Variants in TNS3 observed in about 807,000 individuals in gnomAD.
TNS3 encodes the protein tensin 3, also known as tensin-3.
Under a neutral mutation model 140.9 loss-of-function variants are expected in TNS3, and 45 were observed. That is an observed-to-expected ratio of 0.32 (90% CI 0.25 to 0.41). TNS3 has a LOEUF of 0.41. Ranked by LOEUF, TNS3 falls within the 10% of genes least tolerant of loss-of-function variation. The pLI is 1.00. For synonymous variants in TNS3, 815 were observed against 788.4 expected (o/e 1.03, Z -0.56); for missense variants, 1,716 against 1,906.7 (o/e 0.90, Z 1.86).
At chr7:47,335,763 TCTGGTC>T (rs1788597546) in intron 20 of TNS3, among the ~76,000 whole-genome samples, 1 of 152,212 alleles carries the variant, frequency 6.6e-6, no homozygotes, top group Admixed American at 6.5e-5. Flanking sequence ...AGCTACATGT[TCTGGTC>T]CAATCTTCTC....
chr7:47,365,759 C>CA (rs1199600298), intron 17 of TNS3, among the ~76,000 whole-genome samples: 2 of 151,182 alleles, frequency 1.3e-5, no homozygotes, highest in Non-Finnish European at 2.9e-5. Flanking sequence ...GACTCTGTCT[C>CA]AAAAAAATAA....
In TNS3 at chr7:47,303,587, G is replaced by A; in HGVS notation, c.2823-3C>T. On this transcript the variant is annotated splice_polypyrimidine_tract_variant and splice_region_variant and intron_variant, in intron 21 of 30. Transcript: ENST00000311160. ...ACTGGCGTTCTGCAGAAGAGGAGCT[G>A]TTCAAAAGACAAGCCGACCAAGACA... The A allele has an allele frequency of 2.5e-6, 4 of 1,583,888 alleles. No individual in the cohort carries two copies. The highest frequency in any genetic ancestry group is 1.1e-5 in the South Asian group (1 of 88,392).
chr7:47,531,135 T>A (rs1298293403), intron 1 of TNS3, among the ~76,000 whole-genome samples: 1 of 151,682 alleles, frequency 6.6e-6, no homozygotes, highest in East Asian at 1.9e-4. Context: ...GGGTGAAGAT[T>A]GAAAAACTAC....
At chr7:47,544,127 T>C (rs570263384) in intron 1 of TNS3, among the ~76,000 whole-genome samples, 90 of 152,154 alleles carry the variant, frequency 5.9e-4, no homozygotes, top group Non-Finnish European at 9.3e-4. Flanking sequence ...TTAAGGTGGC[T>C]CTCCCCAGCC....
chr7:47,436,945 G>A lies in TNS3; in HGVS notation c.201+318C>T, dbSNP rs138926377. ...GAAACACACATGTACGCAAAACCAG[G>A]GAAATGTGAGTGAGGTCCGTGGACT... is the stretch of plus-strand genomic sequence containing the variant. On this transcript the variant is annotated intron_variant, in intron 7 of 30. Coordinates refer to ENST00000311160, the MANE Select transcript of TNS3 (RefSeq NM_022748.12). Among the ~76,000 whole-genome samples the A allele has an allele frequency of 3.6e-3, 541 of 152,130 alleles. 3 individuals carry two copies. Among genetic ancestry groups the A allele is most frequent in the African/African-American group, 0.012 (509 of 41,514 alleles).
At position 47,277,712 on chromosome 7, in the gene TNS3, A is replaced by T. The variant is rs1293423108; in HGVS notation, c.*364T>A. On this transcript the variant is annotated 3_prime_UTR_variant, in exon 31 of 31. Coordinates refer to ENST00000311160, the MANE Select transcript of TNS3 (RefSeq NM_022748.12). The stretch of plus-strand genomic sequence containing the variant: ...GGCACCTCTGCCTCAAGGGCTGGGG[A>T]TTCCTCATCCCCCGGAATGCTAGTG... 3.0e-6 allele frequency: 1 copy of T among 328,198 alleles called. No homozygotes were observed. Among genetic ancestry groups the T allele is most frequent in the Non-Finnish European group, 5.9e-6 (1 of 170,718 alleles). 20.3% of individuals were successfully genotyped at this position (328,198 alleles called of 1,614,324 possible). A position where few individuals can be genotyped will look rare whatever the true frequency, so the allele number is the denominator to read the frequency against.
chr7:47,293,956 T>C, intron 24 of TNS3, 128 bp from the exon 25 acceptor site: 1 of 819,552 alleles, frequency 1.2e-6, no homozygotes, highest in Non-Finnish European at 2.0e-6. Context: ...GTCCAGTCAC[T>C]GCAAAAGAGG....
At position 47,546,568 on chromosome 7, in the gene TNS3, C is replaced by T. The variant is rs145189056; in HGVS notation, c.-264-17421G>A. Among the ~76,000 whole-genome samples the T allele has an allele frequency of 4.8e-3, 738 of 152,208 alleles. 3 individuals carry two copies. Among genetic ancestry groups the T allele is most frequent in the African/African-American group, 0.017 (709 of 41,524 alleles). On this transcript the variant is annotated intron_variant, in intron 1 of 30. Transcript: ENST00000311160. ...TTCCTAAAAGGTTCGATGTATTGCT[C>T]TTATAATTTTTTTAAATATCACTAA... is the stretch of plus-strand genomic sequence containing the variant.
intron 1 of TNS3, among the ~76,000 whole-genome samples, chr7:47,559,547 A>G (rs920149934): frequency 1.3e-5 from 2 of 152,114 alleles, no homozygotes; most frequent in East Asian, 1.9e-4. Flanking sequence ...TACGCACCCC[A>G]GGACTATGCA....
chr7:47,420,504 A>G (rs1282299753), intron 10 of TNS3, among the ~76,000 whole-genome samples: 1 of 152,204 alleles, frequency 6.6e-6, no homozygotes, highest in Non-Finnish European at 1.5e-5. Context: ...TCAGATAGGC[A>G]TGCGTACAAC....
intron 17 of TNS3, among the ~76,000 whole-genome samples, chr7:47,359,035 C>T (rs1232377444): frequency 6.6e-6 from 1 of 152,190 alleles, no homozygotes; most frequent in African/African-American, 2.4e-5. Context: ...AGCAACCCCT[C>T]TCCTGGGTAA....
chr7:47,302,559 C>T (rs904336915), intron 22 of TNS3, among the ~76,000 whole-genome samples: 1 of 152,196 alleles, frequency 6.6e-6, no homozygotes, highest in African/African-American at 2.4e-5. Context: ...TGTTGTTCAA[C>T]CCATAGACCA....
intron 4 of TNS3, among the ~76,000 whole-genome samples, chr7:47,476,092 C>T (rs1797185013): frequency 6.6e-6 from 1 of 152,236 alleles, no homozygotes; most frequent in Admixed American, 6.5e-5. Context: ...GGCTCTTCCC[C>T]ACACATCACG....
Position 47,344,742 on chromosome 7 carries a change from G to A in TNS3, c.2650+13C>T, listed in dbSNP as rs757795727. The stretch of plus-strand genomic sequence containing the variant: ...AGTGCCGCGCGCCTGTGACCCGCGG[G>A]TAGATTTCTTACCACGTCCTCCTTT... On this transcript the variant is annotated intron_variant, in intron 20 of 30. Transcript: ENST00000311160. The A allele has an allele frequency of 8.1e-6, 13 of 1,609,294 alleles. No homozygotes were observed. Among genetic ancestry groups the A allele is most frequent in the African/African-American group, 2.7e-5 (2 of 74,844 alleles).
At chr7:47,304,450 A>G (rs1786622052) in intron 21 of TNS3, among the ~76,000 whole-genome samples, 1 of 152,226 alleles carries the variant, frequency 6.6e-6, no homozygotes, top group Admixed American at 6.5e-5. Context: ...TCCTACTCTG[A>G]GCAAGTGGAA....
intron 16 of TNS3, among the ~76,000 whole-genome samples, chr7:47,388,585 C>T (rs1006035084): frequency 6.6e-6 from 1 of 152,158 alleles, no homozygotes; most frequent in African/African-American, 2.4e-5. Flanking sequence ...ACATAGTAGG[C>T]CAGGCGTGGT....
chr7:47,387,622 C>T (rs1020005646), intron 16 of TNS3, among the ~76,000 whole-genome samples: 5 of 152,202 alleles, frequency 3.3e-5, no homozygotes, highest in Admixed American at 2.6e-4. Flanking sequence ...CTAAGTCATC[C>T]GCAACCTTTC....
In TNS3 at chr7:47,415,498, C is replaced by CCAGGCCA. The variant is rs570988554; in HGVS notation, c.474-299_474-293dup. Among the ~76,000 whole-genome samples, 3 of 152,370 alleles carry CCAGGCCA rather than the reference C, an allele frequency of 2.0e-5. 1 individual carries two copies. Among genetic ancestry groups the CCAGGCCA allele is most frequent in the South Asian group, 4.1e-4 (2 of 4,830 alleles). On this transcript the variant is annotated intron_variant, in intron 10 of 30. Coordinates refer to ENST00000311160, the MANE Select transcript of TNS3 (RefSeq NM_022748.12). ...CCACTGAACCTATCGCCAGGCAAAGCCAGGCCACAGGCCACAGGCCATCAC... is the reference window on the plus strand; with the variant it reads ...CCACTGAACCTATCGCCAGGCAAAGCCAGGCCACAGGCCACAGGCCACAGGCCATCAC...
At chr7:47,505,534 G>A (rs553831465) in intron 3 of TNS3, among the ~76,000 whole-genome samples, 22 of 152,292 alleles carry the variant, frequency 1.4e-4, no homozygotes, top group African/African-American at 5.1e-4. Context: ...TCTGAAGGAG[G>A]CAGCCAGCAA....
Sources: gnomAD v4.1 joint callset for allele counts (sites outside exome capture counted in the v4.1 genomes callset) on GRCh38, gnomAD v4.1.1 for gene constraint, MANE v1.5 for transcripts, NCBI Gene and HGNC (gene_info 2026-07-23, HGNC 2026-07-21) for gene names.